SAMD5: variants seen among roughly 807,000 people sequenced by gnomAD.
SAMD5 encodes the protein sterile alpha motif domain containing 5, also known as sterile alpha motif domain-containing protein 5.
SAMD5 carries 13 observed loss-of-function variants against 11.3 expected under a neutral mutation model. That is an observed-to-expected ratio of 1.15 (90% CI 0.75 to 1.83). The LOEUF is 1.83. Among genes scored for constraint, SAMD5 ranks in the 40% most tolerant of loss-of-function variants. The probability of loss-of-function intolerance (pLI) is 0.00; values close to 1 mark genes in which losing one functional copy is unlikely to be tolerated. For missense variants in SAMD5, 255 were observed against 239.1 expected, an observed-to-expected ratio of 1.07 and a Z score of -0.44; for synonymous variants, 129 against 111.3, an observed-to-expected ratio of 1.16 and a Z score of -1.00.
chr6:147,851,445 A>G, the SAMD5 span, among the ~76,000 whole-genome samples: 1 of 152,202 alleles, frequency 6.6e-6, no homozygotes, highest in Non-Finnish European at 1.5e-5. Flanking sequence ...ATAAGGTTAT[A>G]CTGAATTCTG....
At chr6:147,849,374 C>T in the SAMD5 span, among the ~76,000 whole-genome samples, 2 of 151,540 alleles carry the variant, frequency 1.3e-5, no homozygotes, top group African/African-American at 2.4e-5. Context: ...TTTTTAATTT[C>T]CTCTGGTTGT....
chr6:147,739,361 G>A (rs7751678), downstream of SAMD5, among the ~76,000 whole-genome samples: 52 of 152,232 alleles, frequency 3.4e-4, no homozygotes, highest in Middle Eastern at 3.4e-3. Flanking sequence ...CTTGGGAGGC[G>A]CAGGCCGGAA....
the SAMD5 span, among the ~76,000 whole-genome samples, chr6:147,896,778 AG>A: frequency 6.6e-6 from 1 of 150,402 alleles, no homozygotes; most frequent in Non-Finnish European, 1.5e-5. Flanking sequence ...TCACCAGCAA[AG>A]TGTGAAAGTG....
chr6:147,568,282 C>A lies in SAMD5; in HGVS notation c.*3826C>A, dbSNP rs549974694. ...GCACCTGCTTGAAAATTGATATGAG[C>A]ATGTCTGAATTTTTCCCTTATAAGA... On this transcript the variant is annotated 3_prime_UTR_variant, in exon 2 of 2. Coordinates refer to ENST00000367474, the MANE Select transcript of SAMD5 (RefSeq NM_001030060.3). 3.0e-6 allele frequency: 3 copies of A among 985,260 alleles called. No individual in the cohort carries two copies. The East Asian group carries it at 3.4e-4, about 112-fold the overall frequency. 61.0% of individuals were successfully genotyped at this position (985,260 alleles called of 1,614,324 possible). A position where few individuals can be genotyped will look rare whatever the true frequency, so the allele number is the denominator to read the frequency against.
At chr6:147,760,335 A>G in the SAMD5 span, among the ~76,000 whole-genome samples, 6 of 152,294 alleles carry the variant, frequency 3.9e-5, no homozygotes, top group East Asian at 1.2e-3. Context: ...CATAATTAAA[A>G]TTGCCATGAC....
chr6:147,927,796 G>T, the SAMD5 span, among the ~76,000 whole-genome samples: 1 of 152,150 alleles, frequency 6.6e-6, no homozygotes, highest in Admixed American at 6.5e-5. Flanking sequence ...GATGTTGGTG[G>T]TAGGTCTGTC....
At position 147,711,713 on chromosome 6, in the gene SAMD5, G is replaced by A. The variant is rs1254841702; in HGVS notation, c.163-25604G>A. On this transcript the variant is annotated intron_variant, in intron 1 of 1. Transcript: ENST00000566741. This position sits in a 1 kb window ranked among gnomAD's most constrained non-coding sequence, Gnocchi z 4.1. The stretch of plus-strand genomic sequence containing the variant: ...AATCAGATTGTAATGAATTTCAGCT[G>A]AAGTATTAAGTTTGTGGTATCCAGA... Among the ~76,000 whole-genome samples the A allele has an allele frequency of 1.3e-5, 2 of 152,186 alleles. No individual in the cohort carries two copies. The highest frequency in any genetic ancestry group is 2.4e-5 in the African/African-American group (1 of 41,438).
the SAMD5 span, among the ~76,000 whole-genome samples, chr6:147,838,444 T>A: frequency 1.3e-5 from 2 of 152,016 alleles, no homozygotes; most frequent in African/African-American, 4.8e-5. Flanking sequence ...TACTGTTTAA[T>A]GGTGTTGTAA....
At chr6:147,531,159 T>C (rs1344909866) in intron 1 of SAMD5, among the ~76,000 whole-genome samples, 1 of 23,912 alleles carries the variant, frequency 4.2e-5, no homozygotes, top group Non-Finnish European at 1.1e-4. Context: ...TTAAAAGTTT[T>C]TTTTTTTTTT....
intron 1 of SAMD5, among the ~76,000 whole-genome samples, chr6:147,527,046 G>A (rs1230095388): frequency 6.6e-6 from 1 of 152,082 alleles, no homozygotes; most frequent in African/African-American, 2.4e-5. Flanking sequence ...CCCTTTTACT[G>A]TATCCCACCT....
the SAMD5 span, among the ~76,000 whole-genome samples, chr6:147,925,009 AT>A: frequency 6.6e-6 from 1 of 152,164 alleles, no homozygotes; most frequent in Non-Finnish European, 1.5e-5. Context: ...TAAACAAAAA[AT>A]TTTTGAAATA....
intron 1 of SAMD5, among the ~76,000 whole-genome samples, chr6:147,724,419 G>A (rs1324869171): frequency 1.3e-5 from 2 of 152,084 alleles, no homozygotes; most frequent in African/African-American, 4.8e-5. Context: ...AAATTAACCT[G>A]TCACAAATAA....
At chr6:147,580,583 G>A (rs1221914396) in intron 1 of SAMD5, among the ~76,000 whole-genome samples, 1 of 152,218 alleles carries the variant, frequency 6.6e-6, no homozygotes, top group African/African-American at 2.4e-5. Context: ...ATGTGTGGAC[G>A]CTGAGCATGT....
chr6:147,721,936 A>G (rs1791557839), intron 1 of SAMD5, among the ~76,000 whole-genome samples: 1 of 152,234 alleles, frequency 6.6e-6, no homozygotes. Context: ...ATGTTCCAAT[A>G]CAGAAACTAA....
In SAMD5 at chr6:147,586,254, G is replaced by T. The variant is rs1036640691; in HGVS notation, c.162+76867G>T. Among the ~76,000 whole-genome samples, 4 of 152,138 alleles carry T rather than the reference G, an allele frequency of 2.6e-5. 1 individual carries two copies. Among genetic ancestry groups the T allele is most frequent in the African/African-American group, 9.7e-5 (4 of 41,444 alleles). On this transcript the variant is annotated intron_variant, in intron 1 of 1. Coordinates refer to the SAMD5 transcript ENST00000566741. ...AAATGTCTTCAATTACGGGCAAACT[G>T]CCTAGTCTCATATCATCACAAACCA...
intron 1 of SAMD5, among the ~76,000 whole-genome samples, chr6:147,539,535 G>C (rs1392921823): frequency 1.3e-5 from 2 of 152,140 alleles, no homozygotes; most frequent in African/African-American, 2.4e-5. Flanking sequence ...CTTTGATTTT[G>C]AGAGGGATTT....
Position 147,662,888 on chromosome 6 carries a change from TAAAG to T in SAMD5, c.163-74425_163-74422del, listed in dbSNP as rs537363840. On this transcript the variant is annotated intron_variant, in intron 1 of 1. Coordinates refer to the SAMD5 transcript ENST00000566741. ...TGCCACTTCAAAAAACAAGTGCAAA[TAAAG>T]AAACAAGAATATTATAATAGACAAA... 1.4e-4 allele frequency among the ~76,000 whole-genome samples: 22 copies of T among 152,224 alleles called. No individual in the cohort carries two copies. In the East Asian group the frequency reaches 2.9e-3, roughly 20 times the overall value.
the SAMD5 span, among the ~76,000 whole-genome samples, chr6:147,926,697 T>C: frequency 1.4e-3 from 219 of 152,310 alleles, 1 homozygote; most frequent in African/African-American, 5.0e-3. Flanking sequence ...CATTTGCCAA[T>C]GTTTGCTTTT....
rs547113746 is a variant in SAMD5, at chr6:147,552,799, A to G, written c.460-11595A>G. ...TTTATGCTTTAACAAGCTGAGAACT[A>G]CTATGGTAGTTATGTTCTGTAGGGC... On this transcript the variant is annotated intron_variant, in intron 1 of 1. Coordinates refer to ENST00000367474, the MANE Select transcript of SAMD5 (RefSeq NM_001030060.3). 2.6e-5 allele frequency among the ~76,000 whole-genome samples: 4 copies of G among 152,334 alleles called. No homozygotes were observed. The South Asian group carries it at 6.2e-4, about 24-fold the overall frequency.
Sources: gnomAD v4.1 joint callset for allele counts (sites outside exome capture counted in the v4.1 genomes callset) on GRCh38, gnomAD v4.1.1 for gene constraint, Gnocchi (gnomAD v3.1) non-coding constraint, MANE v1.5 for transcripts, NCBI Gene and HGNC (gene_info 2026-07-23, HGNC 2026-07-21) for gene names.